The following RASAL1 variants were observed in gnomAD, a reference collection of about 807,000 sequenced individuals.
The protein encoded by RASAL1 is RAS protein activator like 1.
RASAL1 carries 72 observed loss-of-function variants against 96.6 expected under a neutral mutation model. That is an observed-to-expected ratio of 0.75 (90% confidence interval 0.62 to 0.91). The LOEUF (loss-of-function observed/expected upper bound fraction) is 0.91, where lower values mean the gene tolerates loss of function less well. RASAL1 is among the 40% of genes least tolerant of loss of function. The pLI is 0.00. For synonymous variants in RASAL1, 405 were observed against 430.4 expected (o/e 0.94, Z 0.73); for missense variants, 1,016 against 1,072.5 (o/e 0.95, Z 0.74).
chr12:113,107,686 C>T, intron 14 of RASAL1: 1 of 387,258 alleles, frequency 2.6e-6, no homozygotes, highest in South Asian at 2.1e-5. Flanking sequence ...TTTCCCCTTC[C>T]TCTTTTTGGA....
In RASAL1 at chr12:113,104,055, G is replaced by A; in HGVS notation, c.1995C>T (p.Leu665=). 1.3e-6 allele frequency: 2 copies of A among 1,570,902 alleles called. No individual in the cohort carries two copies. Among genetic ancestry groups the A allele is most frequent in the Non-Finnish European group, 1.7e-6 (2 of 1,154,428 alleles). The change falls in exon 18 of 21, where the codon CTC becomes CTT. Residue 665 remains leucine, a synonymous_variant. Transcript: ENST00000548055. ...GGGCGCTGGCCTTGCGCAAGGCCGA[G>A]AGCCACTGGTTGAGCTCATTCACAT... is the stretch of plus-strand genomic sequence containing the variant. The part of the protein sequence containing the change: ...CKNVNELNQW[L]SALRKASAPN...
intron 12 of RASAL1, among the ~76,000 whole-genome samples, chr12:113,112,959 A>G (rs565107522): frequency 3.4e-4 from 51 of 151,630 alleles, no homozygotes; most frequent in African/African-American, 1.2e-3. Context: ...CTCAAAAAAT[A>G]AATAAATAAA....
At chr12:113,102,072 A>G (rs1950469352) in intron 18 of RASAL1, 63 bp from the exon 19 acceptor site, 2 of 1,569,714 alleles carry the variant, frequency 1.3e-6, no homozygotes, top group Admixed American at 3.6e-5. Flanking sequence ...CTCCACAGCC[A>G]GGCATTCGCC....
At chr12:113,108,324 A>G (rs2136131747) in intron 13 of RASAL1, 102 bp from the exon 14 acceptor site, 3 of 1,376,232 alleles carry the variant, frequency 2.2e-6, no homozygotes, top group East Asian at 2.8e-5. Flanking sequence ...AAAGAGAAGT[A>G]GGATGGGGAA....
chr12:113,107,123 C>T lies in RASAL1; in HGVS notation c.1631G>A (p.Arg544Gln), dbSNP rs769177666. The T allele has an allele frequency of 1.1e-5, 17 of 1,612,972 alleles. No individual in the cohort carries two copies. Among genetic ancestry groups the T allele is most frequent in the South Asian group, 4.4e-5 (4 of 90,894 alleles). ...TTCATCCCCATCCACATCCACCAGCCGGTCCAGGAAGTCTCTCACACGTGA... is the reference window on the plus strand; with the variant it reads ...TTCATCCCCATCCACATCCACCAGCTGGTCCAGGAAGTCTCTCACACGTGA... ...CVSRVRDFLD[R>Q]LVDVDGDEEA... is the part of the protein sequence containing the mutation. The change falls in exon 15 of 21, where the codon CGG becomes CAG. Residue 544 changes from arginine to glutamine, a missense_variant. Physicochemically the swap from Arg to Gln is conservative, Grantham distance 43. Coordinates refer to ENST00000548055, the MANE Select transcript of RASAL1 (RefSeq NM_001301202.2).
intron 5 of RASAL1, among the ~76,000 whole-genome samples, chr12:113,119,732 A>AG (rs1951219576): frequency 6.6e-6 from 1 of 152,076 alleles, no homozygotes; most frequent in Non-Finnish European, 1.5e-5. Flanking sequence ...TGCAGCAGGG[A>AG]GGGGGAAAAG....
chr12:113,115,688 C>A lies in RASAL1; in HGVS notation c.950G>T (p.Gly317Val). The stretch of plus-strand genomic sequence containing the variant: ...ATAGTCCAGAAAGCGCCCAGCCAGT[C>A]CCCGGCCAAGAAAGAGTTTCACCAG... Reference protein sequence around the residue: ...TKLVKLFLGRGLAGRFLDYLT... With the variant: ...TKLVKLFLGRVLAGRFLDYLT... The change falls in exon 10 of 21, where the codon GGA becomes GTA. Residue 317 changes from glycine to valine, a missense_variant. Physicochemically the swap from Gly to Val is moderately radical, Grantham distance 109. Coordinates refer to ENST00000548055, the MANE Select transcript of RASAL1 (RefSeq NM_001301202.2). The surrounding 1 kb of genome is among the most constrained non-coding windows in gnomAD (Gnocchi z 4.1). 6.2e-7 allele frequency: 1 copy of A among 1,613,912 alleles called. No homozygotes were observed. Among genetic ancestry groups the A allele is most frequent in the Non-Finnish European group, 8.5e-7 (1 of 1,179,864 alleles).
rs948025678 is a variant in RASAL1, at chr12:113,113,330, A to G, written c.1182-1052T>C. On this transcript the variant is annotated intron_variant, in intron 12 of 20. Coordinates refer to ENST00000548055, the MANE Select transcript of RASAL1 (RefSeq NM_001301202.2). ...TACTTGTTCCCGTTTAACAGATAAG[A>G]AAACTGAGGCTCAGAGAGGTTACTG... is the stretch of plus-strand genomic sequence containing the variant. Among the ~76,000 whole-genome samples, 140 of 152,190 alleles carry G rather than the reference A, an allele frequency of 9.2e-4. 1 individual carries two copies. Among genetic ancestry groups the G allele is most frequent in the Non-Finnish European group, 3.2e-4 (22 of 68,036 alleles).
Position 113,112,195 on chromosome 12 carries a change from A to T in RASAL1, c.1265T>A (p.Ile422Asn). 4 of 1,261,952 alleles carry T rather than the reference A, an allele frequency of 3.2e-6. No individual in the cohort carries two copies. The highest frequency in any genetic ancestry group is 3.0e-6 in the Non-Finnish European group (3 of 995,252). The allele number at this position is 1,261,952 out of a possible 1,614,324, so 78.2% of individuals were successfully genotyped here. A position where few individuals can be genotyped will look rare whatever the true frequency, so the allele number is the denominator to read the frequency against. The change falls in exon 13 of 21, where the codon ATC (isoleucine) becomes AAC (asparagine). Residue 422 changes from isoleucine (I) to asparagine (N), a missense_variant. Ile to Asn is a moderately radical substitution (Grantham distance 149). Coordinates refer to ENST00000548055, the MANE Select transcript of RASAL1 (RefSeq NM_001301202.2). ...LGLLTGYLGP[I>N]VDAIVGSVGR... ...CACGGAGCCCACGATGGCGTCCACG[A>T]TGGGCCCCAGGTAGCCCGTCAGCAG...
intron 12 of RASAL1, among the ~76,000 whole-genome samples, chr12:113,113,938 G>A (rs983144940): frequency 6.6e-6 from 1 of 152,182 alleles, no homozygotes; most frequent in African/African-American, 2.4e-5. Flanking sequence ...AATCGCTAAT[G>A]TTGGGGACCC....
chr12:113,120,900 T>C (rs974103869), intron 5 of RASAL1, among the ~76,000 whole-genome samples: 1 of 152,116 alleles, frequency 6.6e-6, no homozygotes, highest in Non-Finnish European at 1.5e-5. Flanking sequence ...CATTATTCAG[T>C]GTAATTGGTT....
chr12:113,107,140 CA>C lies in RASAL1; in HGVS notation c.1613del (p.Val538GlyfsTer37). The C allele has an allele frequency of 6.2e-7, 1 of 1,613,890 alleles. No individual in the cohort carries two copies. Among genetic ancestry groups the C allele is most frequent in the South Asian group, 1.1e-5 (1 of 91,016 alleles). On this transcript the variant is annotated frameshift_variant, in exon 15 of 21. Coordinates refer to ENST00000548055, the MANE Select transcript of RASAL1 (RefSeq NM_001301202.2). LOFTEE classifies it high-confidence loss of function. The part of the protein sequence containing the change: ...HPFLLQCVSR[V>X]RDFLDRLVDV... Reference sequence around the variant, plus strand: ...CCACCAGCCGGTCCAGGAAGTCTCTCACACGTGAGACACACTGCAGCAGGAA... The same window carrying C: ...CCACCAGCCGGTCCAGGAAGTCTCTCCACGTGAGACACACTGCAGCAGGAA...
intron 15 of RASAL1, among the ~76,000 whole-genome samples, chr12:113,106,860 A>G (rs1251438288): frequency 6.6e-6 from 1 of 152,176 alleles, no homozygotes; most frequent in Non-Finnish European, 1.5e-5. Context: ...CATGCACACC[A>G]TGCCACGATC....
At position 113,099,368 on chromosome 12, in the gene RASAL1, T is replaced by G. The variant is rs1338080507; in HGVS notation, c.*561A>C. 1.3e-5 allele frequency: 2 copies of G among 152,272 alleles called. No individual in the cohort carries two copies. The highest frequency in any genetic ancestry group is 4.8e-5 in the African/African-American group (2 of 41,462). 9.4% of individuals were successfully genotyped at this position (152,272 alleles called of 1,614,324 possible). A position where few individuals can be genotyped will look rare whatever the true frequency, so the allele number is the denominator to read the frequency against. ...CAAGGTCTCCCAGGCTCCAAGGGTC[T>G]GAGTTTGGCACACTGGACCCCCACC... On this transcript the variant is annotated 3_prime_UTR_variant, in exon 21 of 21. Transcript: ENST00000548055.
chr12:113,109,977 G>C (rs73207016), intron 13 of RASAL1, among the ~76,000 whole-genome samples: 16,873 of 152,294 alleles, frequency 0.11, 1,118 homozygotes, highest in Middle Eastern at 0.19. Flanking sequence ...CTGCTCCAGG[G>C]CCACCTTGGG....
intron 7 of RASAL1, among the ~76,000 whole-genome samples, chr12:113,117,647 A>C (rs933752920): frequency 6.6e-6 from 1 of 152,190 alleles, no homozygotes; most frequent in Non-Finnish European, 1.5e-5. Context: ...TCACAGACTT[A>C]CCGCAATTAG....
intron 19 of RASAL1, 122 bp from the exon 20 acceptor site, chr12:113,100,802 T>C (rs532520590): frequency 1.9e-5 from 14 of 737,744 alleles, no homozygotes; most frequent in African/African-American, 5.3e-5. Context: ...ACCATCATCA[T>C]CATCATCATC....
intron 16 of RASAL1, among the ~76,000 whole-genome samples, chr12:113,104,654 A>C (rs1020040047): frequency 1.3e-5 from 2 of 151,996 alleles, no homozygotes; most frequent in African/African-American, 4.8e-5. Flanking sequence ...GGCGTGCACC[A>C]CCGCTCCCGG....
chr12:113,133,661 A>G (rs1203503014), intron 1 of RASAL1, among the ~76,000 whole-genome samples: 1 of 152,100 alleles, frequency 6.6e-6, no homozygotes, highest in African/African-American at 2.4e-5. Context: ...CACCCCACCT[A>G]AGGGCTCCCA....
Sources: gnomAD v4.1 joint callset for allele counts (sites outside exome capture counted in the v4.1 genomes callset) on GRCh38, gnomAD v4.1.1 for gene constraint, Gnocchi (gnomAD v3.1) non-coding constraint, MANE v1.5 for transcripts, NCBI Gene and HGNC (gene_info 2026-07-23, HGNC 2026-07-21) for gene names.